Variants in ATP2B3 observed in about 807,000 individuals in gnomAD.
ATP2B3 encodes ATPase plasma membrane Ca2+ transporting 3, also known as plasma membrane calcium-transporting ATPase 3.
ATP2B3 carries 12 observed loss-of-function variants against 70.8 expected under a neutral mutation model. The ratio of observed to expected loss-of-function variants is 0.17; its 90% CI spans 0.11 to 0.27. The LOEUF (loss-of-function observed/expected upper bound fraction) is 0.27. Ranked by LOEUF, ATP2B3 falls within the 10% of genes least tolerant of loss-of-function variation. ATP2B3 has a pLI of 1.00. For missense variants in ATP2B3, 858 were observed against 1,118.5 expected (o/e 0.77, Z 3.32); for synonymous variants, 460 against 497.8 (o/e 0.92, Z 1.01).
chrX:153,545,873 A>G (rs576798705), intron 7 of ATP2B3, among the ~76,000 whole-genome samples: 1 of 111,668 alleles, frequency 9.0e-6, no homozygotes, highest in South Asian at 3.8e-4. Context: ...GGCTGAGCTT[A>G]AGGCCGAAGG....
chrX:153,530,645 GC>G (rs1557001549), intron 2 of ATP2B3, among the ~76,000 whole-genome samples: 1 of 111,978 alleles, frequency 8.9e-6, no homozygotes, highest in Non-Finnish European at 1.9e-5. Context: ...CTCCGGGGCT[GC>G]CCTGCAGGGC....
chrX:153,547,931 C>T lies in ATP2B3; in HGVS notation c.1055C>T (p.Ala352Val). The T allele has an allele frequency of 8.3e-7, 1 of 1,211,048 alleles. No individual in the cohort carries two copies. ...GAGCGGGAGAAGAAGAAAGCCAACGCACCCAAAAAGGAGAAGTCTGTCCTT... is the reference window on the plus strand; with the variant it reads ...GAGCGGGAGAAGAAGAAAGCCAACGTACCCAAAAAGGAGAAGTCTGTCCTT... ...MEEREKKKAN[A>V]PKKEKSVLQG... The change falls in exon 9 of 22, where the codon GCA becomes GTA. Residue 352 changes from alanine to valine, a missense_variant. Coordinates refer to ENST00000263519, the MANE Select transcript of ATP2B3 (RefSeq NM_001001344.3).
Position 153,517,740 on chromosome X carries a change from TC to T in ATP2B3, c.-379del, listed in dbSNP as rs1201060303. 2 of 109,963 alleles carry T rather than the reference TC, an allele frequency of 1.8e-5. No homozygotes were observed. The highest frequency in any genetic ancestry group is 3.8e-5 in the Non-Finnish European group (2 of 52,224). 9.1% of individuals were successfully genotyped at this position (109,963 alleles called of 1,213,427 possible). ...CCCTCGCCCGCCGCAGAGGGTCGCGTCCCGCGCCGCCGGCCAGGCCGCCCCG... is the reference window on the plus strand; with the variant it reads ...CCCTCGCCCGCCGCAGAGGGTCGCGTCCGCGCCGCCGGCCAGGCCGCCCCG... On this transcript the variant is annotated 5_prime_UTR_variant, in exon 1 of 22. Coordinates refer to ENST00000263519, the MANE Select transcript of ATP2B3 (RefSeq NM_001001344.3).
At chrX:153,554,680 G>A (rs1486951567) in intron 13 of ATP2B3, among the ~76,000 whole-genome samples, 1 of 113,068 alleles carries the variant, frequency 8.8e-6, no homozygotes, top group Non-Finnish European at 1.9e-5. Flanking sequence ...TGCAGCCAGA[G>A]GAGGGCCCGT....
chrX:153,532,639 G>A (rs1012169449), intron 2 of ATP2B3, among the ~76,000 whole-genome samples: 24 of 112,183 alleles, frequency 2.1e-4, no homozygotes, highest in African/African-American at 7.8e-4. Flanking sequence ...TGCAAATGCC[G>A]GAAGGTGCGA....
rs376826403 is a variant in ATP2B3, at chrX:153,559,686, C to T, written c.2626-43C>T. 575 of 1,167,755 alleles carry T rather than the reference C, an allele frequency of 4.9e-4. 1 individual carries two copies. Among genetic ancestry groups the T allele is most frequent in the Non-Finnish European group, 1.1e-4 (97 of 862,782 alleles). The stretch of plus-strand genomic sequence containing the variant: ...ACTGGGTTTCCACCCCCAACCTTCC[C>T]GGGCAGGCGGCCCATGGAAAGGTGA... On this transcript the variant is annotated intron_variant, in intron 17 of 21. Transcript: ENST00000263519.
At position 153,548,828 on chromosome X, in the gene ATP2B3, A is replaced by T; in HGVS notation, c.1312A>T (p.Thr438Ser). ...AVPEGLPLAVTISLAYSVKKM... is the reference protein window; with the variant it reads ...AVPEGLPLAVSISLAYSVKKM... ...CCCAGAGGGCCTGCCTCTTGCTGTC[A>T]CCATCTCCTTAGCTTACTCTGTCAA... is the stretch of plus-strand genomic sequence containing the variant. The change falls in exon 10 of 22, where the codon ACC (threonine) becomes TCC (serine). Residue 438 changes from threonine to serine, a missense_variant. This residue lies in a region of ATP2B3 where 23 missense variants were observed against 59.0 expected (regional missense o/e 0.39). Transcript: ENST00000263519. The T allele has an allele frequency of 2.5e-6, 3 of 1,209,338 alleles. No individual in the cohort carries two copies. The highest frequency in any genetic ancestry group is 3.4e-6 in the Non-Finnish European group (3 of 894,810).
intron 21 of ATP2B3, among the ~76,000 whole-genome samples, chrX:153,565,663 T>G (rs1048348254): frequency 3.6e-5 from 4 of 112,314 alleles, no homozygotes; most frequent in Non-Finnish European, 5.6e-5. Context: ...CTCTCTGAAG[T>G]CAGATGGCCA....
rs144098691 is a variant in ATP2B3, at chrX:153,559,803, G to A, written c.2700G>A (p.Ala900=). ...ACACATTTGCCTCTCTGGCCCTGGC[G>A]ACGGAGCCACCCACAGAGTCGCTGC... ...IMDTFASLAL[A]TEPPTESLLL... The change falls in exon 18 of 22, where the codon GCG becomes GCA. Residue 900 remains alanine, a synonymous_variant. Transcript: ENST00000263519. 1.9e-4 allele frequency: 228 copies of A among 1,210,241 alleles called. No homozygotes were observed. Among genetic ancestry groups the A allele is most frequent in the Non-Finnish European group, 2.5e-4 (221 of 895,285 alleles).
In ATP2B3 at chrX:153,549,427, T is replaced by C. The variant is rs2090423082; in HGVS notation, c.1339-70T>C. 2.5e-6 allele frequency: 3 copies of C among 1,198,502 alleles called. No homozygotes were observed. In the Admixed American group the frequency reaches 6.6e-5, roughly 26 times the overall value. On this transcript the variant is annotated intron_variant, in intron 10 of 21. Coordinates refer to ENST00000263519, the MANE Select transcript of ATP2B3 (RefSeq NM_001001344.3). ...GCAGAACAGAGTCACGCGATGTTTGTGTTGACATCTCTCACTCCTCCACCC... is the reference window on the plus strand; with the variant it reads ...GCAGAACAGAGTCACGCGATGTTTGCGTTGACATCTCTCACTCCTCCACCC...
At position 153,542,003 on chromosome X, in the gene ATP2B3, C is replaced by A. The variant is rs1403292824; in HGVS notation, c.664+77C>A. The A allele has an allele frequency of 1.5e-5, 17 of 1,130,233 alleles. No homozygotes were observed. In the Admixed American group the frequency reaches 3.9e-4, roughly 26 times the overall value. The allele number at this position is 1,130,233 out of a possible 1,213,427, so 93.1% of individuals were successfully genotyped here. On this transcript the variant is annotated intron_variant, in intron 5 of 21. Coordinates refer to ENST00000263519, the MANE Select transcript of ATP2B3 (RefSeq NM_001001344.3). ...CTGGGGAGGGTGAGCCAGAGGAGAC[C>A]CCCAGCACAGGTTCTCCCCGGTGGC... is the stretch of plus-strand genomic sequence containing the variant.
In ATP2B3 at chrX:153,556,425, G is replaced by A. The variant is rs781938685; in HGVS notation, c.2326+7G>A. On this transcript the variant is annotated splice_region_variant and intron_variant, in intron 15 of 21. Transcript: ENST00000263519. The stretch of plus-strand genomic sequence containing the variant: ...AAGCACACACTGGTCAAAGGTAGCC[G>A]AGCCCCCACACCCCTTTCCTGGGGT... 18 of 1,194,078 alleles carry A rather than the reference G, an allele frequency of 1.5e-5. No individual in the cohort carries two copies. The highest frequency in any genetic ancestry group is 9.0e-5 in the East Asian group (3 of 33,268).
At chrX:153,567,767 C>T (rs902991234) in intron 21 of ATP2B3, among the ~76,000 whole-genome samples, 1 of 112,021 alleles carries the variant, frequency 8.9e-6, no homozygotes, top group Non-Finnish European at 1.9e-5. Context: ...TGCACTCTTT[C>T]CCCTTGGCAC....
At chrX:153,543,745 T>G (rs56740734) in intron 7 of ATP2B3, among the ~76,000 whole-genome samples, 7,473 of 112,847 alleles carry the variant, frequency 0.066, 415 homozygotes, top group African/African-American at 0.18. Flanking sequence ...CTAACCTGAG[T>G]ACTATTCAGG....
rs1557006292 is a variant in ATP2B3 at position 153,541,486 on chromosome X, C to G, written c.336C>G (p.Ile112Met). The change falls in exon 4 of 22, where the codon ATC (isoleucine) becomes ATG (methionine). Residue 112 changes from isoleucine (I) to methionine (M), a missense_variant. Transcript: ENST00000263519. ...VWEALQDVTL[I>M]ILEVAAIVSL... ...AGGCCCTGCAGGACGTGACCCTCAT[C>G]ATCCTGGAGGTGGCTGCCATCGTCT... The G allele has an allele frequency of 8.3e-7, 1 of 1,211,910 alleles. No homozygotes were observed. Among genetic ancestry groups the G allele is most frequent in the Non-Finnish European group, 1.1e-6 (1 of 895,577 alleles).
intron 8 of ATP2B3, 24 bp downstream of exon 8, chrX:153,546,153 A>G (rs782819897): frequency 4.1e-6 from 5 of 1,210,199 alleles, no homozygotes; most frequent in Non-Finnish European, 5.6e-6. Flanking sequence ...CTGCTTGGGC[A>G]CAACAAGCTT....
chrX:153,523,767 C>T (rs189342182), intron 2 of ATP2B3, among the ~76,000 whole-genome samples: 2 of 96,421 alleles, frequency 2.1e-5, no homozygotes, highest in Non-Finnish European at 4.1e-5. Flanking sequence ...GCGATCTCAG[C>T]TCACTGCAAC....
chrX:153,558,351 G>T (rs1000686645), intron 17 of ATP2B3, 48 bp downstream of exon 17: 1 of 1,082,767 alleles, frequency 9.2e-7, no homozygotes, highest in Admixed American at 2.8e-5. Context: ...CTGGGCTCAG[G>T]CCTGAGGGCC....
chrX:153,554,147 G>A (rs1426829185), intron 13 of ATP2B3, among the ~76,000 whole-genome samples: 2 of 113,925 alleles, frequency 1.8e-5, no homozygotes, highest in South Asian at 7.0e-4. Flanking sequence ...GTGCCCCGAG[G>A]AGAACATGGT....
Sources: allele counts gnomAD v4.1 joint callset (sites outside exome capture counted in the v4.1 genomes callset), GRCh38; gene constraint gnomAD v4.1.1; regional missense constraint gnomAD v4.1.1; transcripts MANE v1.5; gene names NCBI Gene and HGNC (gene_info 2026-07-23, HGNC 2026-07-21).